TRPC5: variants seen among roughly 807,000 people sequenced by gnomAD.
TRPC5 encodes the protein transient receptor potential cation channel subfamily C member 5, also known as short transient receptor potential channel 5.
A neutral mutation model predicts 56.5 loss-of-function variants in TRPC5; 9 were observed. The ratio of observed to expected loss-of-function variants is 0.16; its 90% CI spans 0.10 to 0.28. The LOEUF is 0.28. Among genes scored for constraint, TRPC5 ranks in the 10% least tolerant of loss-of-function variants. The probability of loss-of-function intolerance (pLI) is 1.00; values close to 1 mark genes in which losing one functional copy is unlikely to be tolerated. For missense variants in TRPC5, 469 were observed against 748.9 expected (o/e 0.63, Z 4.36); for synonymous variants, 282 against 278.5 (o/e 1.01, Z -0.13).
At chrX:111,905,954 G>A (rs920658060) in intron 3 of TRPC5, among the ~76,000 whole-genome samples, 1 of 107,379 alleles carries the variant, frequency 9.3e-6, no homozygotes, top group East Asian at 2.9e-4. Flanking sequence ...AATACTGAAG[G>A]CATCTCAAAG....
At chrX:112,050,806 A>T (rs1930194828) in intron 1 of TRPC5, among the ~76,000 whole-genome samples, 1 of 112,224 alleles carries the variant, frequency 8.9e-6, no homozygotes, top group South Asian at 3.7e-4. Context: ...GGAGTCTGTC[A>T]TCCATTATTT....
chrX:112,059,887 T>C (rs1485210995), intron 1 of TRPC5, among the ~76,000 whole-genome samples: 2 of 111,920 alleles, frequency 1.8e-5, no homozygotes, highest in Non-Finnish European at 3.8e-5. Flanking sequence ...AGGGAAGTGA[T>C]ATTAAGGTAT....
chrX:111,768,681 A>AT lies in TRPC5; in HGVS notation c.*7631dup, dbSNP rs1945826660. ...GTTAAGGTAGTAATTTGAACACTTA[A>AT]TTTTAAAGTTAATTTATCGAATTGA... On this transcript the variant is annotated 3_prime_UTR_variant, in exon 11 of 11. Transcript: ENST00000262839. Among the ~76,000 whole-genome samples the AT allele has an allele frequency of 8.9e-6, 1 of 112,096 alleles. No homozygotes were observed. The highest frequency in any genetic ancestry group is 1.9e-5 in the Non-Finnish European group (1 of 53,140).
intron 3 of TRPC5, among the ~76,000 whole-genome samples, chrX:111,885,914 C>A (rs1006571835): frequency 9.0e-6 from 1 of 111,704 alleles, no homozygotes; most frequent in East Asian, 2.8e-4. Flanking sequence ...CTTAAGTGAA[C>A]TAAGGCAAGA....
intron 2 of TRPC5, among the ~76,000 whole-genome samples, chrX:111,927,359 A>T (rs1405513558): frequency 8.9e-6 from 1 of 112,418 alleles, no homozygotes; most frequent in African/African-American, 3.2e-5. Context: ...TCTTGGTCAC[A>T]TGACAATAAG....
rs1569529660 is a variant in TRPC5, at chrX:112,019,453, T to TGGGG, written c.-22+62425_-22+62426insCCCC. Among the ~76,000 whole-genome samples the TGGGG allele has an allele frequency of 4.6e-3, 505 of 110,439 alleles. 1 individual carries two copies. Among genetic ancestry groups the TGGGG allele is most frequent in the African/African-American group, 0.016 (487 of 30,444 alleles). ...CCCCCGGTTTTCCTTTTTTTTTTTT[T>TGGGG]GGGATGGAATCTCGCTCTGTCGCCC... On this transcript the variant is annotated intron_variant, in intron 1 of 10. Transcript: ENST00000262839.
chrX:111,891,412 T>G (rs1201903606), intron 3 of TRPC5, among the ~76,000 whole-genome samples: 1 of 112,275 alleles, frequency 8.9e-6, no homozygotes, highest in Non-Finnish European at 1.9e-5. Context: ...AGCCAAGAAA[T>G]CAGGTTCTTA....
At chrX:111,963,154 A>C (rs1345548761) in intron 1 of TRPC5, among the ~76,000 whole-genome samples, 3 of 112,412 alleles carry the variant, frequency 2.7e-5, no homozygotes, top group Non-Finnish European at 5.6e-5. Context: ...CAGGCTTAAA[A>C]AATGGCACAC....
intron 1 of TRPC5, among the ~76,000 whole-genome samples, chrX:112,067,824 A>C (rs1282614558): frequency 8.9e-6 from 1 of 112,217 alleles, no homozygotes; most frequent in Non-Finnish European, 1.9e-5. Context: ...CGCCAGGTGC[A>C]TCTCTCCTGG....
intron 7 of TRPC5, among the ~76,000 whole-genome samples, chrX:111,833,476 C>A (rs1327793612): frequency 9.0e-6 from 1 of 111,081 alleles, no homozygotes; most frequent in Non-Finnish European, 1.9e-5. Flanking sequence ...ACCTAGATAC[C>A]TAATATCTAA....
chrX:111,963,280 G>A (rs1053541187), intron 1 of TRPC5, among the ~76,000 whole-genome samples: 1 of 112,483 alleles, frequency 8.9e-6, no homozygotes, highest in Admixed American at 9.4e-5. Context: ...TGGGGGAGGG[G>A]CGCCTGCCAT....
At chrX:111,927,576 G>A (rs12392718) in intron 2 of TRPC5, among the ~76,000 whole-genome samples, 2,852 of 110,957 alleles carry the variant, frequency 0.026, 104 homozygotes, top group African/African-American at 0.089. Flanking sequence ...GTCTTCATCC[G>A]GGGCTGTGGA....
intron 1 of TRPC5, among the ~76,000 whole-genome samples, chrX:111,966,922 G>A (rs1263279993): frequency 2.0e-5 from 2 of 98,241 alleles, no homozygotes; most frequent in African/African-American, 9.2e-5. Context: ...ACTGGCACAA[G>A]ACAGGGATGC....
At chrX:111,780,616 C>T (rs1053517492) in intron 9 of TRPC5, among the ~76,000 whole-genome samples, 2 of 111,033 alleles carry the variant, frequency 1.8e-5, no homozygotes, top group African/African-American at 3.3e-5. Context: ...AAAGTCAGCC[C>T]TCTTGTATAT....
At chrX:111,820,005 A>G (rs1921983361) in intron 7 of TRPC5, among the ~76,000 whole-genome samples, 1 of 112,112 alleles carries the variant, frequency 8.9e-6, no homozygotes, top group African/African-American at 3.2e-5. Context: ...AGACAATATG[A>G]TATGCTATTG....
In TRPC5 at chrX:111,769,102, A is replaced by G. The variant is rs775479454; in HGVS notation, c.*7211T>C. ...CATCTTCCTATTAGAGTTTCTTTCC[A>G]TTGCTTCTGCCACCGTGGGTTCTTA... On this transcript the variant is annotated 3_prime_UTR_variant, in exon 11 of 11. Coordinates refer to ENST00000262839, the MANE Select transcript of TRPC5 (RefSeq NM_012471.3). 1.8e-5 allele frequency among the ~76,000 whole-genome samples: 2 copies of G among 111,103 alleles called. No individual in the cohort carries two copies. The highest frequency in any genetic ancestry group is 3.8e-5 in the Non-Finnish European group (2 of 52,891).
chrX:112,047,613 A>G (rs1241123508), intron 1 of TRPC5, among the ~76,000 whole-genome samples: 5 of 112,354 alleles, frequency 4.5e-5, no homozygotes, highest in Non-Finnish European at 7.5e-5. Context: ...AACCTTAGAA[A>G]TAATTTGTAA....
chrX:111,892,455 A>G (rs1052844186), intron 3 of TRPC5, among the ~76,000 whole-genome samples: 3 of 112,284 alleles, frequency 2.7e-5, no homozygotes, highest in Non-Finnish European at 3.8e-5. Flanking sequence ...TTCTCTGTGC[A>G]ACTGGCAGTG....
chrX:111,805,232 G>A (rs1921461188), intron 7 of TRPC5, among the ~76,000 whole-genome samples: 1 of 112,022 alleles, frequency 8.9e-6, no homozygotes, highest in African/African-American at 3.3e-5. Context: ...GCTTTTTGAT[G>A]TGCTGCTGGA....
Sources: allele counts gnomAD v4.1 joint callset (sites outside exome capture counted in the v4.1 genomes callset), GRCh38; gene constraint gnomAD v4.1.1; transcripts MANE v1.5; gene names NCBI Gene and HGNC (gene_info 2026-07-23, HGNC 2026-07-21).